LAMP2: variants seen among roughly 807,000 people sequenced by gnomAD.
LAMP2 encodes lysosome-associated membrane glycoprotein 2.
In LAMP2, 4 loss-of-function variants were observed where a neutral mutation model predicts 25.6. The observed-to-expected ratio is 0.16, with a 90% CI of 0.08 to 0.36. LAMP2 has a LOEUF of 0.36. Among genes scored for constraint, LAMP2 ranks in the 10% least tolerant of loss-of-function variants. The probability of loss-of-function intolerance (pLI) is 1.00; values close to 1 mark genes in which losing one functional copy is unlikely to be tolerated. For synonymous variants in LAMP2, 108 were observed against 112.7 expected (o/e 0.96, Z 0.27); for missense variants, 272 against 301.4 (o/e 0.90, Z 0.72).
chrX:120,453,095 G>A (rs1353206612), intron 3 of LAMP2, among the ~76,000 whole-genome samples: 2 of 110,958 alleles, frequency 1.8e-5, no homozygotes, highest in Non-Finnish European at 3.8e-5. Flanking sequence ...ATTTAGCTTT[G>A]TCTCCCCAGC....
chrX:120,449,088 T>C lies in LAMP2; in HGVS notation c.438A>G (p.Pro146=). Residue 146 remains proline (P), a synonymous_variant, in exon 4 of 9, where the codon CCA becomes CCG. Coordinates refer to ENST00000200639, the MANE Select transcript of LAMP2 (RefSeq NM_002294.3). The stretch of plus-strand genomic sequence containing the variant: ...TATTGCATCTAAAAAGGTCATTCAA[T>C]GGAATTCTGATGGCCAAAAGTTCAT... ...TVDELLAIRI[P]LNDLFRCNSL... is the part of the protein sequence containing the mutation. 8.3e-7 allele frequency: 1 copy of C among 1,206,004 alleles called. No individual in the cohort carries two copies. Among genetic ancestry groups the C allele is most frequent in the Non-Finnish European group, 1.1e-6 (1 of 890,191 alleles).
intron 8 of LAMP2, 78 bp downstream of exon 8, chrX:120,441,652 A>T: frequency 3.5e-6 from 3 of 862,397 alleles, no homozygotes; most frequent in Non-Finnish European, 5.1e-6. Context: ...TTCAACGTTT[A>T]AATGTCTATG....
intron 3 of LAMP2, among the ~76,000 whole-genome samples, chrX:120,449,746 G>A (rs1049502168): frequency 6.2e-5 from 7 of 112,321 alleles, no homozygotes; most frequent in Admixed American, 1.9e-4. Flanking sequence ...TTTAGCAGTC[G>A]AGGGCTAGCC....
rs2058517173 is a variant in LAMP2, at chrX:120,430,201, A to G, written c.*1122T>C. On this transcript the variant is annotated 3_prime_UTR_variant, in exon 9 of 9. Transcript: ENST00000200639. ...TCTATTAAGCCTTCCTTCTTTATCT[A>G]TGTTTCATGTCTGTGCTACTCTTAT... 1 of 752,457 alleles carries G rather than the reference A, an allele frequency of 1.3e-6. No homozygotes were observed. Among genetic ancestry groups the G allele is most frequent in the African/African-American group, 2.3e-5 (1 of 43,350 alleles). 62.0% of individuals were successfully genotyped at this position (752,457 alleles called of 1,213,427 possible).
chrX:120,456,786 A>C lies in LAMP2; in HGVS notation c.65-17T>G, dbSNP rs202184259. ...GCACAGCTCCTGGATTCATTTAAAAAAATAATATTTTAAAATTGTACTACA... is the reference window on the plus strand; with the variant it reads ...GCACAGCTCCTGGATTCATTTAAAACAATAATATTTTAAAATTGTACTACA... On this transcript the variant is annotated splice_polypyrimidine_tract_variant and intron_variant, in intron 1 of 8. Coordinates refer to ENST00000200639, the MANE Select transcript of LAMP2 (RefSeq NM_002294.3). 1.1e-6 allele frequency: 1 copy of C among 930,668 alleles called. No homozygotes were observed. The highest frequency in any genetic ancestry group is 2.0e-5 in the African/African-American group (1 of 51,090). The allele number at this position is 930,668 out of a possible 1,213,427, so 76.7% of individuals were successfully genotyped here.
At chrX:120,436,397 CTTCTAAACAT>C (rs2058544865) in intron 8 of LAMP2, 7 of 507,098 alleles carry the variant, frequency 1.4e-5, no homozygotes, top group Non-Finnish European at 1.7e-5. Flanking sequence ...TTCAGTTCTA[CTTCTAAACAT>C]TTCTAAAGTT....
intron 8 of LAMP2, chrX:120,437,884 T>C (rs781681262): frequency 4.5e-6 from 3 of 660,976 alleles, no homozygotes; most frequent in East Asian, 3.2e-4. Flanking sequence ...AGATGGAGTT[T>C]CGTTTTTGTC....
At chrX:120,454,164 T>C (rs1465058048) in intron 3 of LAMP2, among the ~76,000 whole-genome samples, 1 of 109,070 alleles carries the variant, frequency 9.2e-6, no homozygotes, top group Non-Finnish European at 1.9e-5. Flanking sequence ...CTTTGTCCAG[T>C]ATATCAACGT....
At chrX:120,439,084 G>T in intron 8 of LAMP2, 2 of 1,201,890 alleles carry the variant, frequency 1.7e-6, no homozygotes, top group South Asian at 1.8e-5. Flanking sequence ...ACCTTAAGTT[G>T]ACCAGTATTG....
At position 120,430,981 on chromosome X, in the gene LAMP2, A is replaced by G. The variant is rs1375007847; in HGVS notation, c.*342T>C. On this transcript the variant is annotated 3_prime_UTR_variant, in exon 9 of 9. Transcript: ENST00000200639. ...ATTAATTCCATTAAGACACAACTAC[A>G]TATTTTATTCTTATAATGGCCATGT... The G allele has an allele frequency of 1.2e-6, 1 of 846,892 alleles. No homozygotes were observed. The highest frequency in any genetic ancestry group is 2.1e-5 in the African/African-American group (1 of 46,682). 69.8% of individuals were successfully genotyped at this position (846,892 alleles called of 1,213,427 possible).
chrX:120,445,372 GA>G (rs1359185179), intron 6 of LAMP2, among the ~76,000 whole-genome samples: 1 of 112,347 alleles, frequency 8.9e-6, no homozygotes, highest in Non-Finnish European at 1.9e-5. Context: ...ATTCTAAAGA[GA>G]AAAATGTGCT....
chrX:120,465,244 C>G (rs1321812761), intron 1 of LAMP2, among the ~76,000 whole-genome samples: 1 of 109,058 alleles, frequency 9.2e-6, no homozygotes, highest in Non-Finnish European at 1.9e-5. Flanking sequence ...GTAACATACA[C>G]TAAGAATATT....
intron 8 of LAMP2, chrX:120,438,800 G>A: frequency 1.2e-6 from 1 of 831,726 alleles, no homozygotes; most frequent in South Asian, 4.2e-5. Context: ...TACCTGCAGG[G>A]AAAAAAAATC....
chrX:120,436,170 A>ACACACACACACACTCT (rs1251901451), intron 8 of LAMP2, among the ~76,000 whole-genome samples: 24 of 57,301 alleles, frequency 4.2e-4, no homozygotes, highest in African/African-American at 1.2e-3. Context: ...ACACACACAC[A>ACACACACACACACTCT]CTCTCTCTCT....
intron 8 of LAMP2, chrX:120,438,148 C>T (rs1187672698): frequency 1.1e-5 from 8 of 742,484 alleles, no homozygotes; most frequent in African/African-American, 2.3e-5. Flanking sequence ...TGAGCCGCCA[C>T]GCCCAGCCTA....
chrX:120,467,359 C>A (rs1281114514), intron 1 of LAMP2, among the ~76,000 whole-genome samples: 1 of 111,447 alleles, frequency 9.0e-6, no homozygotes, highest in South Asian at 3.7e-4. Flanking sequence ...TTAGCAGCAT[C>A]CTTGGCCTCT....
chrX:120,429,547 G>C lies in LAMP2; in HGVS notation c.*1776C>G, dbSNP rs1283170536. 1 of 748,129 alleles carries C rather than the reference G, an allele frequency of 1.3e-6. No homozygotes were observed. The highest frequency in any genetic ancestry group is 1.6e-6 in the Non-Finnish European group (1 of 636,023). 61.7% of individuals were successfully genotyped at this position (748,129 alleles called of 1,213,427 possible). A position where few individuals can be genotyped will look rare whatever the true frequency, so the allele number is the denominator to read the frequency against. On this transcript the variant is annotated 3_prime_UTR_variant, in exon 9 of 9. Coordinates refer to ENST00000200639, the MANE Select transcript of LAMP2 (RefSeq NM_002294.3). ...CATGATCCCATCTGAGGAGGATTAG[G>C]TTTTGAAGTAGCAAACAGAGATTAA... is the stretch of plus-strand genomic sequence containing the variant.
intron 8 of LAMP2, 98 bp downstream of exon 8, chrX:120,441,632 A>G: frequency 1.4e-6 from 1 of 723,845 alleles, no homozygotes; most frequent in Non-Finnish European, 2.1e-6. Flanking sequence ...ATGAATTCAT[A>G]TTCCTCTATT....
At chrX:120,447,567 G>A (rs1237563210) in intron 5 of LAMP2, among the ~76,000 whole-genome samples, 4 of 109,165 alleles carry the variant, frequency 3.7e-5, no homozygotes, top group African/African-American at 1.3e-4. Context: ...AAAATTAGCC[G>A]GGCATGGTGG....
Sources: allele counts gnomAD v4.1 joint callset (sites outside exome capture counted in the v4.1 genomes callset), GRCh38; gene constraint gnomAD v4.1.1; transcripts MANE v1.5; gene names NCBI Gene and HGNC (gene_info 2026-07-23, HGNC 2026-07-21).